CALD1: variants seen among roughly 807,000 people sequenced by gnomAD.
CALD1 encodes caldesmon.
Under a neutral mutation model 99.9 loss-of-function variants are expected in CALD1, and 33 were observed. The ratio of observed to expected loss-of-function variants is 0.33; its 90% CI spans 0.25 to 0.44. The LOEUF (loss-of-function observed/expected upper bound fraction) is 0.44, where lower values mean the gene tolerates loss of function less well. Ranked by LOEUF, CALD1 falls within the 20% of genes least tolerant of loss-of-function variation. The probability of loss-of-function intolerance (pLI) is 1.00; values close to 1 mark genes in which losing one functional copy is unlikely to be tolerated. For synonymous variants in CALD1, 310 were observed against 325.0 expected, an observed-to-expected ratio of 0.95 and a Z score of 0.50; for missense variants, 861 against 962.1, an observed-to-expected ratio of 0.89 and a Z score of 1.39.
chr7:134,802,726 G>A (rs1797992513), intron 1 of CALD1, among the ~76,000 whole-genome samples: 1 of 152,180 alleles, frequency 6.6e-6, no homozygotes, highest in Non-Finnish European at 1.5e-5. Context: ...TGAATCTTAT[G>A]TACTGCATAT....
chr7:134,876,292 T>C (rs1043929464), intron 3 of CALD1, among the ~76,000 whole-genome samples: 11 of 152,184 alleles, frequency 7.2e-5, no homozygotes, highest in Non-Finnish European at 1.6e-4. Context: ...CTAGGAGACA[T>C]ATCCCCTTAA....
intron 3 of CALD1, among the ~76,000 whole-genome samples, chr7:134,899,299 G>A (rs1318212929): frequency 1.3e-5 from 2 of 151,734 alleles, no homozygotes; most frequent in Admixed American, 1.3e-4. Context: ...TGCCTCTCAG[G>A]TTCAAGCGAT....
the CALD1 span, among the ~76,000 whole-genome samples, chr7:134,724,056 A>G: frequency 6.6e-6 from 1 of 152,222 alleles, no homozygotes; most frequent in Non-Finnish European, 1.5e-5. Context: ...AGGGTTTGCT[A>G]TGCGGCAGCA....
chr7:134,946,635 T>C (rs928634972), intron 7 of CALD1, among the ~76,000 whole-genome samples: 2 of 152,170 alleles, frequency 1.3e-5, no homozygotes, highest in African/African-American at 4.8e-5. Context: ...TCTTCAAGGT[T>C]TATCCATGTT....
chr7:134,906,860 C>T (rs755995494), intron 3 of CALD1, among the ~76,000 whole-genome samples: 3 of 152,116 alleles, frequency 2.0e-5, no homozygotes, highest in Non-Finnish European at 4.4e-5. Context: ...TAAAGTCTCT[C>T]TAGTAGGCTT....
At position 134,941,076 on chromosome 7, in the gene CALD1, A is replaced by T; in HGVS notation, c.1387-16A>T. The T allele has an allele frequency of 6.3e-7, 1 of 1,589,956 alleles. No individual in the cohort carries two copies. Among genetic ancestry groups the T allele is most frequent in the Non-Finnish European group, 8.5e-7 (1 of 1,172,308 alleles). On this transcript the variant is annotated splice_polypyrimidine_tract_variant and intron_variant, in intron 6 of 14. Coordinates refer to ENST00000361675, the MANE Select transcript of CALD1 (RefSeq NM_033138.4). ...TTTTCTTGTTCTGTTTCTTCCTGAT[A>T]TGTACTGTTGGTTAGATCAAAGATG...
chr7:134,852,159 C>T (rs977843393), intron 2 of CALD1, among the ~76,000 whole-genome samples: 1 of 152,020 alleles, frequency 6.6e-6, no homozygotes, highest in African/African-American at 2.4e-5. Flanking sequence ...CCAATAATTG[C>T]TGTAGAAGCT....
chr7:134,870,744 C>T (rs2132343169), intron 3 of CALD1, among the ~76,000 whole-genome samples: 1 of 151,668 alleles, frequency 6.6e-6, no homozygotes, highest in South Asian at 2.1e-4. Context: ...CTCTCTCTCT[C>T]TCGCTCTTTC....
At chr7:134,922,372 A>G (rs1039242856) in intron 3 of CALD1, among the ~76,000 whole-genome samples, 3 of 152,208 alleles carry the variant, frequency 2.0e-5, no homozygotes, top group Admixed American at 6.5e-5. Flanking sequence ...ATAAAATACT[A>G]TTGCCACAAT....
chr7:134,842,187 C>T (rs1310979231), intron 1 of CALD1, among the ~76,000 whole-genome samples: 1 of 152,240 alleles, frequency 6.6e-6, no homozygotes, highest in Non-Finnish European at 1.5e-5. Context: ...AGCAAGTGGG[C>T]TCCTGTATCC....
At chr7:134,799,300 A>C (rs1651815635) in intron 1 of CALD1, among the ~76,000 whole-genome samples, 1 of 152,228 alleles carries the variant, frequency 6.6e-6, no homozygotes, top group Non-Finnish European at 1.5e-5. Context: ...TCAAAATAAC[A>C]ACAATTTGAA....
chr7:134,853,500 G>A (rs1436014289), intron 2 of CALD1, among the ~76,000 whole-genome samples: 1 of 152,008 alleles, frequency 6.6e-6, no homozygotes, highest in Non-Finnish European at 1.5e-5. Flanking sequence ...GATCGTTCCT[G>A]TAGTTCTCTC....
intron 3 of CALD1, among the ~76,000 whole-genome samples, chr7:134,908,151 T>G (rs541671959): frequency 6.6e-6 from 1 of 152,260 alleles, no homozygotes; most frequent in South Asian, 2.1e-4. Context: ...GTTGAGGATA[T>G]AGGTTAAAAT....
At chr7:134,765,408 A>C (rs749233019) in intron 1 of CALD1, among the ~76,000 whole-genome samples, 29 of 152,190 alleles carry the variant, frequency 1.9e-4, no homozygotes, top group Non-Finnish European at 2.5e-4. Context: ...AGAACAAATG[A>C]GTTTTTTTTA....
At chr7:134,811,168 C>T (rs746595244) in intron 1 of CALD1, among the ~76,000 whole-genome samples, 1 of 152,182 alleles carries the variant, frequency 6.6e-6, no homozygotes, top group Non-Finnish European at 1.5e-5. Context: ...ATATCCTGCC[C>T]TCAATTCTAG....
intron 1 of CALD1, among the ~76,000 whole-genome samples, chr7:134,793,195 C>A (rs537008048): frequency 9.7e-4 from 147 of 152,328 alleles, no homozygotes; most frequent in Admixed American, 4.0e-3. Flanking sequence ...GAGGCAGCCA[C>A]AGAGGGACCT....
rs578105555 is a variant in CALD1 at position 134,933,341 on chromosome 7, A to G, written c.572A>G (p.Glu191Gly). The part of the protein sequence containing the change: ...EENKKEDKEK[E>G]EEEEEKPKRG... ...AACAAGAAAGAAGACAAGGAAAAGG[A>G]GGAGGAGGAAGAGGAGAAGCCAAAG... The change falls in exon 5 of 15, where the codon GAG becomes GGG. Residue 191 changes from glutamate (E) to glycine (G), a missense_variant. Glu to Gly is a moderately conservative substitution (Grantham distance 98, BLOSUM62 -2). Coordinates refer to ENST00000361675, the MANE Select transcript of CALD1 (RefSeq NM_033138.4). 56 of 1,603,752 alleles carry G rather than the reference A, an allele frequency of 3.5e-5. No individual in the cohort carries two copies. The South Asian group carries it at 5.7e-4, about 16-fold the overall frequency.
intron 1 of CALD1, among the ~76,000 whole-genome samples, chr7:134,803,782 G>A (rs189461337): frequency 1.7e-4 from 25 of 149,094 alleles, no homozygotes; most frequent in African/African-American, 5.9e-4. Context: ...TGCAACCTTC[G>A]CCTCCTGGGT....
intron 3 of CALD1, among the ~76,000 whole-genome samples, chr7:134,911,763 T>TA (rs1279384642): frequency 3.9e-5 from 6 of 152,218 alleles, no homozygotes; most frequent in Non-Finnish European, 5.9e-5. Context: ...TGCAGTTAAC[T>TA]AAAAATACTT....
Sources: gnomAD v4.1 joint callset for allele counts (sites outside exome capture counted in the v4.1 genomes callset) on GRCh38, gnomAD v4.1.1 for gene constraint, MANE v1.5 for transcripts, NCBI Gene and HGNC (gene_info 2026-07-23, HGNC 2026-07-21) for gene names.